Variants in GRB14 observed in about 807,000 individuals in gnomAD.
GRB14 encodes growth factor receptor bound protein 14.
In GRB14, 38 loss-of-function variants were observed where a neutral mutation model predicts 69.1. The observed-to-expected ratio is 0.55, with a 90% CI of 0.42 to 0.72. GRB14 has a LOEUF of 0.72. Among genes scored for constraint, GRB14 ranks in the 30% least tolerant of loss-of-function variants. The pLI, the probability that GRB14 is intolerant of heterozygous loss-of-function variation, is 0.00. For synonymous variants in GRB14, 247 were observed against 241.3 expected, an observed-to-expected ratio of 1.02 and a Z score of -0.22; for missense variants, 666 against 666.1, an observed-to-expected ratio of 1.00 and a Z score of 0.00.
rs185893402 is a variant in GRB14, at chr2:164,610,026, G to A, written c.324+9661C>T. Among the ~76,000 whole-genome samples, 582 of 152,172 alleles carry A rather than the reference G, an allele frequency of 3.8e-3. 7 individuals carry two copies. The highest frequency in any genetic ancestry group is 4.5e-3 in the Non-Finnish European group (307 of 68,014). Reference sequence around the variant, plus strand: ...TGTGTGATGCCCTGGATGTTTACACGCCCCAGGGTAATGCACCAAGAGGAG... The same window carrying A: ...TGTGTGATGCCCTGGATGTTTACACACCCCAGGGTAATGCACCAAGAGGAG... On this transcript the variant is annotated intron_variant, in intron 2 of 13. Coordinates refer to ENST00000263915, the MANE Select transcript of GRB14 (RefSeq NM_004490.3).
Position 164,499,236 on chromosome 2 carries a change from T to G in GRB14, c.1105-1746A>C, listed in dbSNP as rs74415787. On this transcript the variant is annotated intron_variant, in intron 9 of 13. Coordinates refer to ENST00000263915, the MANE Select transcript of GRB14 (RefSeq NM_004490.3). ...AAAAAAATAATCAGCTGTCCTATTT[T>G]TCTCCCTCTAGTATAGCAGGCCAGG... 3.9e-3 allele frequency among the ~76,000 whole-genome samples: 600 copies of G among 152,272 alleles called. 9 individuals carry two copies. Among genetic ancestry groups the G allele is most frequent in the East Asian group, 0.034 (178 of 5,184 alleles).
intron 2 of GRB14, among the ~76,000 whole-genome samples, chr2:164,580,534 A>G (rs1293211833): frequency 6.6e-6 from 1 of 151,884 alleles, no homozygotes; most frequent in Non-Finnish European, 1.5e-5. Flanking sequence ...GTGAAATCCC[A>G]TTTCTACTAA....
Position 164,545,392 on chromosome 2 carries a change from G to A in GRB14, c.481+2268C>T, listed in dbSNP as rs12986927. 5.3e-5 allele frequency among the ~76,000 whole-genome samples: 8 copies of A among 152,076 alleles called. No individual in the cohort carries two copies. The South Asian group carries it at 6.3e-4, about 12-fold the overall frequency. On this transcript the variant is annotated intron_variant, in intron 3 of 13. Coordinates refer to ENST00000263915, the MANE Select transcript of GRB14 (RefSeq NM_004490.3). ...TATCCTGAATTATCTGGGTGGGCCC[G>A]AAATGTTACCGCTTTTATAAGAAAG...
At chr2:164,499,241 C>T (rs1168168809) in intron 9 of GRB14, among the ~76,000 whole-genome samples, 4 of 152,020 alleles carry the variant, frequency 2.6e-5, no homozygotes, top group African/African-American at 9.7e-5. Context: ...TATTTTTCTC[C>T]CTCTAGTATA....
chr2:164,570,539 G>A (rs1689102212), intron 2 of GRB14, among the ~76,000 whole-genome samples: 1 of 152,056 alleles, frequency 6.6e-6, no homozygotes, highest in Admixed American at 6.6e-5. Flanking sequence ...TAAGTATCAA[G>A]GGTGCACCAA....
At chr2:164,602,881 T>G (rs1262055520) in intron 2 of GRB14, among the ~76,000 whole-genome samples, 1 of 152,140 alleles carries the variant, frequency 6.6e-6, no homozygotes, top group Admixed American at 6.5e-5. Flanking sequence ...TTCAAAGATA[T>G]GTTATTTGAA....
In GRB14 at chr2:164,497,429, A is replaced by G. The variant is rs780501881; in HGVS notation, c.1166T>C (p.Ile389Thr). The G allele has an allele frequency of 1.4e-5, 23 of 1,613,786 alleles. No individual in the cohort carries two copies. Among genetic ancestry groups the G allele is most frequent in the Non-Finnish European group, 1.7e-5 (20 of 1,179,846 alleles). ...MDFSGQKSRV[I>T]ENPTEALSVA... Reference sequence around the variant, plus strand: ...TGAAAGGGCTTCAGTGGGATTTTCTATAACTCTGCTTTTCTGGCCTGAGAA... The same window carrying G: ...TGAAAGGGCTTCAGTGGGATTTTCTGTAACTCTGCTTTTCTGGCCTGAGAA... Residue 389 changes from isoleucine (I) to threonine (T), a missense_variant, in exon 10 of 14, where the codon ATA becomes ACA. Physicochemically the swap from Ile to Thr is moderately conservative, Grantham distance 89. Transcript: ENST00000263915.
intron 2 of GRB14, among the ~76,000 whole-genome samples, chr2:164,580,295 G>A (rs1201969887): frequency 1.3e-5 from 2 of 151,992 alleles, no homozygotes; most frequent in African/African-American, 2.4e-5. Context: ...GTTTTGCCAT[G>A]TTGGCCAGGC....
rs760326959 is a variant in GRB14 at position 164,493,203 on chromosome 2, A to C, written c.1477-21T>G. 1.2e-5 allele frequency: 19 copies of C among 1,605,894 alleles called. No homozygotes were observed. The South Asian group carries it at 1.6e-4, about 13-fold the overall frequency. ...TCTACCTGCAAAAAGAAAAGCAACA[A>C]ATAAGTAAAGAGGATAAATTACACA... On this transcript the variant is annotated intron_variant, in intron 13 of 13. Transcript: ENST00000263915.
chr2:164,500,293 C>T lies in GRB14; in HGVS notation c.1104+1962G>A, dbSNP rs114997143. Among the ~76,000 whole-genome samples, 495 of 152,118 alleles carry T rather than the reference C, an allele frequency of 3.3e-3. 4 individuals are homozygous for T. The highest frequency in any genetic ancestry group is 0.011 in the African/African-American group (467 of 41,518). On this transcript the variant is annotated intron_variant, in intron 9 of 13. Coordinates refer to ENST00000263915, the MANE Select transcript of GRB14 (RefSeq NM_004490.3). ...AGGCTGATGGGGTGGCTGTTACATC[C>T]TTTATATAGCTAAGATGTTCATTAT...
At chr2:164,495,594 G>C (rs1686871880) in intron 12 of GRB14, among the ~76,000 whole-genome samples, 1 of 152,172 alleles carries the variant, frequency 6.6e-6, no homozygotes, top group African/African-American at 2.4e-5. Flanking sequence ...AATACACCGT[G>C]TAAATGATCC....
At chr2:164,531,698 G>C (rs1483415744) in intron 3 of GRB14, among the ~76,000 whole-genome samples, 2 of 152,166 alleles carry the variant, frequency 1.3e-5, no homozygotes, top group Non-Finnish European at 2.9e-5. Flanking sequence ...AGTGGATGGA[G>C]ACTGTGAGGG....
intron 8 of GRB14, among the ~76,000 whole-genome samples, chr2:164,506,240 T>C (rs1687184694): frequency 6.6e-6 from 1 of 152,144 alleles, no homozygotes; most frequent in African/African-American, 2.4e-5. Context: ...TCAGAAAGCT[T>C]CTCAGGTGAC....
chr2:164,561,431 C>T (rs1038679748), intron 2 of GRB14, among the ~76,000 whole-genome samples: 2 of 152,152 alleles, frequency 1.3e-5, no homozygotes, highest in African/African-American at 4.8e-5. Flanking sequence ...GAAACTCTGA[C>T]CTGATGGTTG....
At chr2:164,507,866 G>A (rs2105265791) in intron 8 of GRB14, among the ~76,000 whole-genome samples, 1 of 152,260 alleles carries the variant, frequency 6.6e-6, no homozygotes, top group African/African-American at 2.4e-5. Flanking sequence ...TATTTCCTAT[G>A]AGAGTCTACC....
chr2:164,581,069 G>C (rs1689392987), intron 2 of GRB14, among the ~76,000 whole-genome samples: 2 of 152,146 alleles, frequency 1.3e-5, no homozygotes, highest in Non-Finnish European at 2.9e-5. Context: ...TAGTGAAATA[G>C]GAAATACATT....
chr2:164,612,547 T>C (rs57750834), intron 2 of GRB14, among the ~76,000 whole-genome samples: 4,801 of 152,332 alleles, frequency 0.032, 265 homozygotes, highest in African/African-American at 0.11. Context: ...CCTTTATCTG[T>C]AATGTCAAAA....
At chr2:164,584,147 ATTTTTTTTTTTTTTTTTT>A (rs55883951) in intron 2 of GRB14, among the ~76,000 whole-genome samples, 2 of 49,896 alleles carry the variant, frequency 4.0e-5, no homozygotes, top group South Asian at 2.0e-3. Context: ...CAGCCTGGCT[ATTTTTTTTTTTTTTTTTT>A]TTTTTTTTTT....
intron 8 of GRB14, among the ~76,000 whole-genome samples, chr2:164,505,122 T>G (rs1439567672): frequency 6.6e-6 from 1 of 152,184 alleles, no homozygotes; most frequent in Non-Finnish European, 1.5e-5. Context: ...AACAATAAAT[T>G]TATGTTGCTT....
Sources: allele counts gnomAD v4.1 joint callset (sites outside exome capture counted in the v4.1 genomes callset), GRCh38; gene constraint gnomAD v4.1.1; transcripts MANE v1.5; gene names NCBI Gene and HGNC (gene_info 2026-07-23, HGNC 2026-07-21).